ADGRL2: variants seen among roughly 807,000 people sequenced by gnomAD.
The protein encoded by ADGRL2 is calcium-independent alpha-latrotoxin receptor 2.
A neutral mutation model predicts 157.4 loss-of-function variants in ADGRL2; 44 were observed. The observed-to-expected ratio is 0.28, with a 90% CI of 0.22 to 0.36. The LOEUF is 0.36. ADGRL2 is among the 10% of genes least tolerant of loss of function. The pLI is 1.00. For missense variants in ADGRL2, 1,510 were observed against 1,768.9 expected, an observed-to-expected ratio of 0.85 and a Z score of 2.63; for synonymous variants, 585 against 624.7, an observed-to-expected ratio of 0.94 and a Z score of 0.95.
chr1:81,651,842 T>C (rs1473946079), intron 3 of ADGRL2, among the ~76,000 whole-genome samples: 1 of 152,128 alleles, frequency 6.6e-6, no homozygotes, highest in Non-Finnish European at 1.5e-5. Flanking sequence ...CAAGCAATCC[T>C]TTTGCATAGC....
chr1:81,924,642 C>T (rs1193055090), intron 3 of ADGRL2, among the ~76,000 whole-genome samples: 9 of 152,052 alleles, frequency 5.9e-5, no homozygotes, highest in African/African-American at 1.7e-4. Context: ...TATATTAGAT[C>T]GGTGATTTTT....
At chr1:81,728,451 G>A (rs1013904340) in intron 1 of ADGRL2, among the ~76,000 whole-genome samples, 1 of 152,154 alleles carries the variant, frequency 6.6e-6, no homozygotes, top group African/African-American at 2.4e-5. Context: ...TCACCAAATA[G>A]AGAAACCTAG....
chr1:81,650,469 G>A (rs903980734), intron 3 of ADGRL2, among the ~76,000 whole-genome samples: 55 of 151,628 alleles, frequency 3.6e-4, no homozygotes, highest in Non-Finnish European at 7.7e-4. Context: ...CCAGCTACTC[G>A]GGAGGCTGAG....
At chr1:81,812,372 TAA>T (rs2089965133) in intron 1 of ADGRL2, among the ~76,000 whole-genome samples, 1 of 151,808 alleles carries the variant, frequency 6.6e-6, no homozygotes, top group Non-Finnish European at 1.5e-5. Context: ...TAGTGCAACT[TAA>T]TGTACTAAAG....
intron 23 of ADGRL2, among the ~76,000 whole-genome samples, chr1:81,989,439 G>A (rs1026875958): frequency 6.6e-6 from 1 of 152,100 alleles, no homozygotes; most frequent in African/African-American, 2.4e-5. Flanking sequence ...AGACTGCAGG[G>A]CTGCAGGCAA....
intron 1 of ADGRL2, among the ~76,000 whole-genome samples, chr1:81,819,941 T>C (rs1018386601): frequency 6.6e-6 from 1 of 152,166 alleles, no homozygotes; most frequent in African/African-American, 2.4e-5. Flanking sequence ...TCACTGCAGC[T>C]TTCTCTTTTG....
chr1:81,716,422 A>G (rs2084118937), intron 1 of ADGRL2, among the ~76,000 whole-genome samples: 1 of 152,224 alleles, frequency 6.6e-6, no homozygotes, highest in African/African-American at 2.4e-5. Context: ...CAGGGCCTGC[A>G]CGAGTTTGTG....
intron 6 of ADGRL2, 148 bp from the exon 7 acceptor site, chr1:81,950,041 T>C: frequency 1.5e-6 from 1 of 683,572 alleles, no homozygotes; most frequent in Non-Finnish European, 2.6e-6. Context: ...CGAGCGATAT[T>C]GTCAGTAATT....
chr1:81,721,034 C>CTTT (rs533654243), intron 1 of ADGRL2, among the ~76,000 whole-genome samples: 9,894 of 133,096 alleles, frequency 0.074, 410 homozygotes, highest in Non-Finnish European at 0.097. Context: ...AAACAATTTC[C>CTTT]TTTTTTTTTT....
At chr1:81,938,977 T>G (rs2095349434) in intron 4 of ADGRL2, among the ~76,000 whole-genome samples, 1 of 151,618 alleles carries the variant, frequency 6.6e-6, no homozygotes, top group Non-Finnish European at 1.5e-5. Context: ...TTTTACACGT[T>G]ACTTAGTTGA....
chr1:81,463,426 A>G (rs1421768068), intron 2 of ADGRL2, among the ~76,000 whole-genome samples: 1 of 152,102 alleles, frequency 6.6e-6, no homozygotes, highest in African/African-American at 2.4e-5. Context: ...TGCTAAAATT[A>G]TTTTCTTCAA....
In ADGRL2 at chr1:81,981,980, A is replaced by C. The variant is rs1453223486; in HGVS notation, c.3282+4A>C. 8 of 1,609,920 alleles carry C rather than the reference A, an allele frequency of 5.0e-6. No homozygotes were observed. The African/African-American group carries it at 1.1e-4, about 22-fold the overall frequency. The stretch of plus-strand genomic sequence containing the variant: ...TCACTGTGCTCTCCAAAAGAAAGTA[A>C]GTAATTGAAAACACCTAGGGGCTCA... On this transcript the variant is annotated splice_donor_region_variant and intron_variant, in intron 19 of 23. Coordinates refer to ENST00000686636, the MANE Select transcript of ADGRL2 (RefSeq NM_001366006.2).
chr1:81,666,466 A>G (rs2082752333), intron 3 of ADGRL2, among the ~76,000 whole-genome samples: 1 of 152,230 alleles, frequency 6.6e-6, no homozygotes, highest in Non-Finnish European at 1.5e-5. Context: ...GAAGGACATC[A>G]TTAAACTCTC....
At chr1:81,361,947 A>G (rs960925539) in intron 1 of ADGRL2, among the ~76,000 whole-genome samples, 1 of 151,532 alleles carries the variant, frequency 6.6e-6, no homozygotes, top group Non-Finnish European at 1.5e-5. Flanking sequence ...GTTTTTTTTT[A>G]GAAACAAATT....
chr1:81,495,612 TTC>T (rs1229660534), intron 2 of ADGRL2, among the ~76,000 whole-genome samples: 2 of 152,174 alleles, frequency 1.3e-5, no homozygotes, highest in African/African-American at 2.4e-5. Context: ...AAGTGTGTTT[TTC>T]TCTCTCTTAA....
At chr1:81,629,910 T>C (rs1041198612) in intron 3 of ADGRL2, among the ~76,000 whole-genome samples, 5 of 151,904 alleles carry the variant, frequency 3.3e-5, no homozygotes, top group Non-Finnish European at 7.4e-5. Context: ...ATTAATCCTT[T>C]ATACTAAATC....
At chr1:81,961,069 T>C (rs1655203508) in intron 11 of ADGRL2, among the ~76,000 whole-genome samples, 1 of 152,208 alleles carries the variant, frequency 6.6e-6, no homozygotes, top group South Asian at 2.1e-4. Flanking sequence ...CAGCCACTAC[T>C]TGCTGAGGAA....
chr1:81,339,310 T>A (rs1011179674), intron 1 of ADGRL2, among the ~76,000 whole-genome samples: 2 of 152,204 alleles, frequency 1.3e-5, no homozygotes, highest in African/African-American at 2.4e-5. Context: ...ATGTCAAGAT[T>A]CCAACTCAGA....
At chr1:81,518,863 G>A (rs1011467946) in intron 2 of ADGRL2, among the ~76,000 whole-genome samples, 2 of 151,642 alleles carry the variant, frequency 1.3e-5, no homozygotes, top group African/African-American at 4.8e-5. Context: ...TATATAACAA[G>A]AGCTGAGAAC....
Sources: gnomAD v4.1 joint callset for allele counts (sites outside exome capture counted in the v4.1 genomes callset) on GRCh38, gnomAD v4.1.1 for gene constraint, MANE v1.5 for transcripts, NCBI Gene and HGNC (gene_info 2026-07-23, HGNC 2026-07-21) for gene names.